NXPH2: variants seen among roughly 807,000 people sequenced by gnomAD.
NXPH2 encodes neurexophilin-2.
In NXPH2, 5 loss-of-function variants were observed where a neutral mutation model predicts 19.8. The observed-to-expected ratio is 0.25, with a 90% confidence interval of 0.13 to 0.53. NXPH2 has a LOEUF of 0.53. Ranked by LOEUF, NXPH2 falls within the 20% of genes least tolerant of loss-of-function variation. The pLI, the probability that NXPH2 is intolerant of heterozygous loss-of-function variation, is 0.96. For missense variants in NXPH2, 289 were observed against 322.8 expected (o/e 0.90, Z 0.80); for synonymous variants, 154 against 127.4 (o/e 1.21, Z -1.41).
chr2:138,720,509 G>A (rs1573965983), intron 1 of NXPH2, among the ~76,000 whole-genome samples: 3 of 152,230 alleles, frequency 2.0e-5, no homozygotes, highest in Admixed American at 6.5e-5. Context: ...TTGGTGTGAA[G>A]ACGTAATTGA....
chr2:138,707,613 T>C (rs940515339), intron 1 of NXPH2, among the ~76,000 whole-genome samples: 1 of 152,034 alleles, frequency 6.6e-6, no homozygotes, highest in African/African-American at 2.4e-5. Flanking sequence ...AGTCTAGGGT[T>C]GCATAAGCAT....
At chr2:138,747,240 A>G (rs572336459) in intron 1 of NXPH2, among the ~76,000 whole-genome samples, 117 of 152,326 alleles carry the variant, frequency 7.7e-4, no homozygotes, top group Non-Finnish European at 1.4e-3. Flanking sequence ...AAGGAGATCA[A>G]GCAGGGAAAG....
chr2:138,674,073 G>A (rs1216531510), intron 1 of NXPH2, among the ~76,000 whole-genome samples: 4 of 151,468 alleles, frequency 2.6e-5, no homozygotes, highest in African/African-American at 9.7e-5. Flanking sequence ...AAACTCCTGG[G>A]CTCAAGTGAT....
chr2:138,681,342 C>G (rs184071952), intron 1 of NXPH2, among the ~76,000 whole-genome samples: 6 of 152,258 alleles, frequency 3.9e-5, no homozygotes, highest in African/African-American at 1.2e-4. Flanking sequence ...GCAAAACAAC[C>G]TAATTTCCCC....
intron 1 of NXPH2, among the ~76,000 whole-genome samples, chr2:138,708,195 C>T (rs1681046126): frequency 1.3e-5 from 2 of 152,160 alleles, no homozygotes; most frequent in Non-Finnish European, 2.9e-5. Flanking sequence ...AACAGGAAAG[C>T]CGATCTGGAA....
At chr2:138,671,744 G>A in intron 1 of NXPH2, 79 bp from the exon 2 acceptor site, 3 of 1,383,850 alleles carry the variant, frequency 2.2e-6, no homozygotes, top group South Asian at 1.5e-5. Flanking sequence ...AAAGCGCAAG[G>A]GAAATTATTT....
intron 1 of NXPH2, among the ~76,000 whole-genome samples, chr2:138,709,377 T>C (rs1681062889): frequency 6.6e-6 from 1 of 152,170 alleles, no homozygotes; most frequent in Non-Finnish European, 1.5e-5. Flanking sequence ...GACTTTATTT[T>C]TTAGAGCAGT....
chr2:138,714,909 ACAGATGATAATT>A (rs1681166803), intron 1 of NXPH2, among the ~76,000 whole-genome samples: 1 of 152,266 alleles, frequency 6.6e-6, no homozygotes. Context: ...ACATTAATGT[ACAGATGATAATT>A]CAGCAAGAAT....
intron 1 of NXPH2, among the ~76,000 whole-genome samples, chr2:138,685,218 A>G (rs1680629961): frequency 6.6e-6 from 1 of 152,234 alleles, no homozygotes; most frequent in East Asian, 1.9e-4. Flanking sequence ...ACTCCTGCCC[A>G]AGAATTCCCA....
chr2:138,679,807 C>T (rs537584698), intron 1 of NXPH2, among the ~76,000 whole-genome samples: 7 of 152,216 alleles, frequency 4.6e-5, no homozygotes, highest in African/African-American at 1.7e-4. Context: ...AATATTTCCA[C>T]AAAAATACTA....
intron 1 of NXPH2, among the ~76,000 whole-genome samples, chr2:138,681,948 G>T (rs191641723): frequency 6.6e-6 from 1 of 152,090 alleles, no homozygotes; most frequent in Non-Finnish European, 1.5e-5. Flanking sequence ...CAAAGTGACC[G>T]CTATTATACA....
At chr2:138,694,368 T>C (rs1452756512) in intron 1 of NXPH2, among the ~76,000 whole-genome samples, 1 of 152,174 alleles carries the variant, frequency 6.6e-6, no homozygotes, top group Non-Finnish European at 1.5e-5. Context: ...GTAATCAAGA[T>C]AGTTATTATG....
chr2:138,715,537 C>T (rs1681184336), intron 1 of NXPH2, among the ~76,000 whole-genome samples: 1 of 152,054 alleles, frequency 6.6e-6, no homozygotes, highest in South Asian at 2.1e-4. Context: ...GTTTGTTTAC[C>T]AAGTGCTTTC....
intron 1 of NXPH2, among the ~76,000 whole-genome samples, chr2:138,720,489 C>A (rs1031875785): frequency 2.0e-5 from 3 of 152,196 alleles, no homozygotes; most frequent in African/African-American, 7.2e-5. Flanking sequence ...GGCTGACTGC[C>A]CCAGGACTGT....
intron 1 of NXPH2, among the ~76,000 whole-genome samples, chr2:138,695,094 T>C (rs769391432): frequency 2.0e-5 from 3 of 152,152 alleles, no homozygotes; most frequent in Non-Finnish European, 4.4e-5. Context: ...ACAACCATCA[T>C]ATATGCAGTT....
At chr2:138,747,940 T>G (rs981906757) in intron 1 of NXPH2, among the ~76,000 whole-genome samples, 2 of 152,292 alleles carry the variant, frequency 1.3e-5, no homozygotes, top group South Asian at 4.1e-4. Flanking sequence ...GGCTCTCACC[T>G]TCAGGCTGTC....
intron 1 of NXPH2, among the ~76,000 whole-genome samples, chr2:138,731,799 T>G (rs560566338): frequency 6.6e-6 from 1 of 152,130 alleles, no homozygotes; most frequent in Admixed American, 6.5e-5. Context: ...CAGGAGACAG[T>G]AGAACGGCCC....
intron 1 of NXPH2, among the ~76,000 whole-genome samples, chr2:138,713,595 T>TTCTC (rs139074916): frequency 6.7e-6 from 1 of 149,332 alleles, no homozygotes; most frequent in African/African-American, 2.5e-5. Context: ...GTAGAAAACG[T>TTCTC]TCTGTGTGTG....
intron 1 of NXPH2, among the ~76,000 whole-genome samples, chr2:138,745,585 A>G (rs1321928917): frequency 1.3e-5 from 2 of 152,192 alleles, no homozygotes; most frequent in Non-Finnish European, 2.9e-5. Context: ...AATAACAGAA[A>G]AATAGAGAAA....
Sources: allele counts gnomAD v4.1 joint callset (sites outside exome capture counted in the v4.1 genomes callset), GRCh38; gene constraint gnomAD v4.1.1; transcripts MANE v1.5; gene names NCBI Gene and HGNC (gene_info 2026-07-23, HGNC 2026-07-21).